The following MS4A4E variants were observed in gnomAD, a reference collection of about 807,000 sequenced individuals.
MS4A4E encodes membrane spanning 4-domains A4E, also known as putative membrane-spanning 4-domains subfamily A member 4E.
Under a neutral mutation model 13.3 loss-of-function variants are expected in MS4A4E, and 23 were observed. That is an observed-to-expected ratio of 1.73 (90% confidence interval 1.25 to 2.45). The LOEUF (loss-of-function observed/expected upper bound fraction) is 2.45, where lower values mean the gene tolerates loss of function less well. Ranked by LOEUF, MS4A4E falls within the 30% of genes most tolerant of loss-of-function variation. MS4A4E has a pLI of 0.00. For missense variants in MS4A4E, 144 were observed against 131.2 expected (o/e 1.10, Z -0.48); for synonymous variants, 36 against 45.6 (o/e 0.79, Z 0.85).
Position 60,229,843 on chromosome 11 carries a change from G to T in MS4A4E, c.144+69C>A. On this transcript the variant is annotated intron_variant, in intron 2 of 8. Transcript: ENST00000651255. Reference sequence around the variant, plus strand: ...ATGAGGCTAGCGGGACAGTGTATTGGGCATTAGCTCTGATCAAATGTGAGT... The same window carrying T: ...ATGAGGCTAGCGGGACAGTGTATTGTGCATTAGCTCTGATCAAATGTGAGT... The T allele has an allele frequency of 4.1e-6, 6 of 1,469,550 alleles. No homozygotes were observed. In the South Asian group the frequency reaches 6.2e-5, roughly 15 times the overall value. 91.0% of individuals were successfully genotyped at this position (1,469,550 alleles called of 1,614,324 possible).
intron 1 of MS4A4E, among the ~76,000 whole-genome samples, chr11:60,238,905 G>A (rs1465011825): frequency 3.3e-5 from 5 of 152,178 alleles, no homozygotes. Context: ...TTTGCAAAAT[G>A]TCAACCATGA....
chr11:60,238,125 A>G (rs945154019), intron 1 of MS4A4E, among the ~76,000 whole-genome samples: 4 of 151,388 alleles, frequency 2.6e-5, no homozygotes, highest in Admixed American at 6.6e-5. Context: ...AGAGACATTC[A>G]TATGTAGTTT....
chr11:60,230,919 A>G (rs1027285591), intron 1 of MS4A4E, among the ~76,000 whole-genome samples: 1 of 151,960 alleles, frequency 6.6e-6, no homozygotes, highest in Admixed American at 6.6e-5. Flanking sequence ...AGTTGATTTC[A>G]GTGGAGCATA....
chr11:60,235,965 A>G (rs1049531274), intron 1 of MS4A4E, among the ~76,000 whole-genome samples: 5 of 152,162 alleles, frequency 3.3e-5, no homozygotes, highest in Non-Finnish European at 7.4e-5. Flanking sequence ...AAAGTGTCCA[A>G]CTTCATTCTT....
intron 8 of MS4A4E, among the ~76,000 whole-genome samples, chr11:60,202,353 T>C (rs921887111): frequency 3.2e-4 from 48 of 152,244 alleles, no homozygotes; most frequent in African/African-American, 1.1e-3. Context: ...TGAAGATTAA[T>C]GACAGAGTAC....
At chr11:60,225,649 G>A (rs2084331539) in intron 3 of MS4A4E, among the ~76,000 whole-genome samples, 1 of 152,096 alleles carries the variant, frequency 6.6e-6, no homozygotes, top group Admixed American at 6.5e-5. Context: ...ATGGGATGTA[G>A]TGAAAGCAGT....
chr11:60,201,560 G>A lies in MS4A4E; in HGVS notation c.979C>T (p.Arg327Trp), dbSNP rs4317176. Residue 327 changes from arginine to tryptophan, a missense_variant, in exon 9 of 9, where the codon CGG (arginine) becomes TGG (tryptophan). Arg to Trp is a moderately radical substitution (Grantham distance 101, BLOSUM62 -3). Around this residue, in one of 3 missense-constraint regions of MS4A4E, gnomAD observed 21 missense variants for 25.1 expected, o/e 0.84. Transcript: ENST00000651255. Reference sequence around the variant, plus strand: ...CCCACATCTCAGAAGATGGGCGGCCGGGCGGAGACACTCCTCACCTCCCAG... The same window carrying A: ...CCCACATCTCAGAAGATGGGCGGCCAGGCGGAGACACTCCTCACCTCCCAG... The part of the protein sequence containing the change: ...PIWEVRSVSA[R>W]PPIF 2.7e-4 allele frequency: 83 copies of A among 311,936 alleles called. 1 individual carries two copies. The highest frequency in any genetic ancestry group is 1.6e-3 in the African/African-American group (69 of 43,288). The allele number at this position is 311,936 out of a possible 1,614,324, so 19.3% of individuals were successfully genotyped here. A position where few individuals can be genotyped will look rare whatever the true frequency, so the allele number is the denominator to read the frequency against.
At chr11:60,213,745 A>C (rs1426253) in intron 4 of MS4A4E, among the ~76,000 whole-genome samples, 51,526 of 151,958 alleles carry the variant, frequency 0.34, 9,481 homozygotes, top group South Asian at 0.51. Flanking sequence ...TAGCCAGAAA[A>C]ACCCTTGTTG....
At chr11:60,213,361 C>T in intron 4 of MS4A4E, 1 of 1,462,438 alleles carries the variant, frequency 6.8e-7, no homozygotes. Flanking sequence ...ATCTCCAAAT[C>T]ATTTATCAGG....
At chr11:60,215,019 T>A (rs2084173444) in intron 3 of MS4A4E, among the ~76,000 whole-genome samples, 1 of 152,118 alleles carries the variant, frequency 6.6e-6, no homozygotes, top group African/African-American at 2.4e-5. Flanking sequence ...TAGTAGCACA[T>A]AAAATTTAGT....
At chr11:60,231,847 G>A (rs1460862910) in intron 1 of MS4A4E, among the ~76,000 whole-genome samples, 1 of 152,118 alleles carries the variant, frequency 6.6e-6, no homozygotes, top group Non-Finnish European at 1.5e-5. Flanking sequence ...AAGTAGATAT[G>A]CTTGATACAA....
intron 2 of MS4A4E, 123 bp from the exon 3 acceptor site, chr11:60,228,750 C>T: frequency 2.1e-6 from 1 of 478,238 alleles, no homozygotes; most frequent in Non-Finnish European, 3.7e-6. Flanking sequence ...AAATATTATT[C>T]AGTACTAAAA....
intron 1 of MS4A4E, among the ~76,000 whole-genome samples, chr11:60,237,106 A>G (rs1310621244): frequency 2.0e-5 from 3 of 151,842 alleles, no homozygotes; most frequent in Non-Finnish European, 4.4e-5. Context: ...CCCAGCCTCC[A>G]CCCTCTAATA....
chr11:60,213,548 T>C (rs2134929634), intron 4 of MS4A4E, among the ~76,000 whole-genome samples: 1 of 152,322 alleles, frequency 6.6e-6, no homozygotes, highest in Middle Eastern at 3.4e-3. Flanking sequence ...CTTTCTCTTC[T>C]CATGGGTAAG....
At chr11:60,241,519 T>G (rs139226496) in intron 1 of MS4A4E, among the ~76,000 whole-genome samples, 1 of 152,232 alleles carries the variant, frequency 6.6e-6, no homozygotes, top group African/African-American at 2.4e-5. Context: ...TTGACTCTTA[T>G]GATTTTCCAT....
At chr11:60,204,841 T>C (rs1033188854) in intron 8 of MS4A4E, among the ~76,000 whole-genome samples, 49 bp downstream of exon 8, 1 of 152,214 alleles carries the variant, frequency 6.6e-6, no homozygotes, top group African/African-American at 2.4e-5. Context: ...TACTACATAA[T>C]AGTAAGCAAC....
intron 1 of MS4A4E, among the ~76,000 whole-genome samples, chr11:60,234,779 C>T (rs1306928714): frequency 3.1e-5 from 3 of 96,440 alleles, no homozygotes; most frequent in Non-Finnish European, 6.6e-5. Context: ...CAAAAACAAC[C>T]CCCCCCCCCA....
intron 1 of MS4A4E, among the ~76,000 whole-genome samples, chr11:60,234,423 A>C (rs2084454035): frequency 6.6e-6 from 1 of 152,168 alleles, no homozygotes; most frequent in Non-Finnish European, 1.5e-5. Context: ...AAGAGGTGTG[A>C]CCTTTCAGAG....
intron 6 of MS4A4E, 147 bp downstream of exon 6, chr11:60,208,446 G>A (rs912949172): frequency 3.5e-6 from 1 of 286,308 alleles, no homozygotes; most frequent in African/African-American, 2.2e-5. Context: ...CTGAACCAAG[G>A]ACCCACATCC....
Sources: allele counts gnomAD v4.1 joint callset (sites outside exome capture counted in the v4.1 genomes callset), GRCh38; gene constraint gnomAD v4.1.1; regional missense constraint gnomAD v4.1.1; transcripts MANE v1.5; gene names NCBI Gene and HGNC (gene_info 2026-07-23, HGNC 2026-07-21).